The following NBEA variants were observed in gnomAD, a reference collection of about 807,000 sequenced individuals.
The protein encoded by NBEA is neurobeachin, also known as lysosomal-trafficking regulator 2.
Under a neutral mutation model 343.4 loss-of-function variants are expected in NBEA, and 44 were observed. The observed-to-expected ratio is 0.13, with a 90% CI of 0.10 to 0.16. The LOEUF is 0.16. NBEA is among the 10% of genes least tolerant of loss of function. The pLI is 1.00. For missense variants in NBEA, 2,555 were observed against 3,631.3 expected (o/e 0.70, Z 7.62); for synonymous variants, 1,175 against 1,238.7 (o/e 0.95, Z 1.08).
chr13:35,454,838 C>A (rs375078463), intron 40 of NBEA, among the ~76,000 whole-genome samples: 1 of 151,078 alleles, frequency 6.6e-6, no homozygotes, highest in Non-Finnish European at 1.5e-5. Flanking sequence ...CCAGCCTGGG[C>A]GACAGAATGA....
chr13:35,602,274 G>A (rs1360770324), intron 47 of NBEA, among the ~76,000 whole-genome samples: 1 of 152,066 alleles, frequency 6.6e-6, no homozygotes, highest in African/African-American at 2.4e-5. Context: ...AATGTCTTGT[G>A]TTTACATACA....
chr13:35,605,909 A>G (rs2082263120), intron 47 of NBEA, among the ~76,000 whole-genome samples: 2 of 151,262 alleles, frequency 1.3e-5, no homozygotes, highest in African/African-American at 4.8e-5. Context: ...AAAATAATTT[A>G]CTTTATCAAG....
intron 48 of NBEA, among the ~76,000 whole-genome samples, chr13:35,608,426 C>T (rs2082371696): frequency 6.6e-6 from 1 of 152,122 alleles, no homozygotes; most frequent in Non-Finnish European, 1.5e-5. Flanking sequence ...CCACATTATT[C>T]TCACATACTT....
intron 24 of NBEA, among the ~76,000 whole-genome samples, chr13:35,167,916 T>TA (rs2070164855): frequency 6.6e-6 from 1 of 151,844 alleles, no homozygotes; most frequent in South Asian, 2.1e-4. Context: ...TTATGGAGCT[T>TA]AATTCAGGGC....
At chr13:35,123,101 G>A (rs527268995) in intron 16 of NBEA, among the ~76,000 whole-genome samples, 4 of 152,006 alleles carry the variant, frequency 2.6e-5, no homozygotes, top group Non-Finnish European at 5.9e-5. Context: ...AGACTAGCCT[G>A]GTCAATTTGG....
At chr13:35,246,526 CT>C (rs1326579199) in intron 34 of NBEA, among the ~76,000 whole-genome samples, 1 of 152,158 alleles carries the variant, frequency 6.6e-6, no homozygotes, top group Non-Finnish European at 1.5e-5. Context: ...TGGCTTCCTG[CT>C]AGCCAAACTG....
intron 41 of NBEA, among the ~76,000 whole-genome samples, chr13:35,483,961 C>A (rs1311210988): frequency 6.6e-6 from 1 of 152,006 alleles, no homozygotes; most frequent in Non-Finnish European, 1.5e-5. Flanking sequence ...AAGGAAACAA[C>A]CACTAAATAT....
chr13:34,963,288 G>A (rs2059716048), intron 1 of NBEA, among the ~76,000 whole-genome samples: 1 of 151,882 alleles, frequency 6.6e-6, no homozygotes, highest in Non-Finnish European at 1.5e-5. Flanking sequence ...TTTTCCCTTT[G>A]TCTTCATATG....
At chr13:35,488,925 G>A (rs1014434747) in intron 41 of NBEA, among the ~76,000 whole-genome samples, 3 of 151,830 alleles carry the variant, frequency 2.0e-5, no homozygotes, top group African/African-American at 4.8e-5. Flanking sequence ...AGAAGCAGTA[G>A]TAAAATACAA....
intron 46 of NBEA, chr13:35,593,099 G>T: frequency 2.5e-6 from 1 of 402,308 alleles, no homozygotes; most frequent in South Asian, 5.8e-5. Flanking sequence ...TTTCACAGAT[G>T]AGAAGACCAG....
intron 36 of NBEA, among the ~76,000 whole-genome samples, chr13:35,315,933 C>T (rs1322834118): frequency 6.6e-6 from 1 of 151,606 alleles, no homozygotes; most frequent in Non-Finnish European, 1.5e-5. Context: ...ATAAAACAAA[C>T]CAAAAAAAAC....
At chr13:35,645,979 G>T (rs2084210135) in intron 50 of NBEA, 48 bp downstream of exon 50, 1 of 1,199,502 alleles carries the variant, frequency 8.3e-7, no homozygotes, top group Non-Finnish European at 1.2e-6. Flanking sequence ...GTCTTTAGCT[G>T]CATGCATGTA....
chr13:35,630,394 A>C (rs1005137833), intron 49 of NBEA, among the ~76,000 whole-genome samples: 6 of 152,182 alleles, frequency 3.9e-5, no homozygotes, highest in African/African-American at 1.4e-4. Flanking sequence ...AAATGTAAAA[A>C]TTAAAAATTA....
At chr13:35,001,599 C>T (rs2061142079) in intron 1 of NBEA, among the ~76,000 whole-genome samples, 1 of 151,976 alleles carries the variant, frequency 6.6e-6, no homozygotes, top group Admixed American at 6.6e-5. Context: ...TGTTCTCACT[C>T]ATATGTGGAA....
chr13:35,090,797 A>G lies in NBEA; in HGVS notation c.1572-7500A>G, dbSNP rs1195198250. On this transcript the variant is annotated intron_variant, in intron 10 of 58. Coordinates refer to ENST00000379939, the MANE Select transcript of NBEA (RefSeq NM_001385012.1). ...CCTGTTTCTCCTACTCAATGCAAGA[A>G]AAACACCCTACATGGACAGAATTCA... Among the ~76,000 whole-genome samples, 11 of 152,058 alleles carry G rather than the reference A, an allele frequency of 7.2e-5. No individual in the cohort carries two copies. In the East Asian group the frequency reaches 2.1e-3, roughly 29 times the overall value.
At chr13:35,316,403 C>T (rs1333756684) in intron 36 of NBEA, among the ~76,000 whole-genome samples, 1 of 152,132 alleles carries the variant, frequency 6.6e-6, no homozygotes, top group Non-Finnish European at 1.5e-5. Flanking sequence ...TGATGGTTCC[C>T]AGCTTCATCC....
At chr13:35,198,574 G>T (rs996714163) in intron 31 of NBEA, among the ~76,000 whole-genome samples, 5 of 152,038 alleles carry the variant, frequency 3.3e-5, no homozygotes, top group Non-Finnish European at 7.4e-5. Context: ...AGCTTTTTAT[G>T]TTCCTATAGC....
intron 38 of NBEA, among the ~76,000 whole-genome samples, chr13:35,404,116 A>C (rs1342112756): frequency 1.3e-5 from 2 of 152,164 alleles, no homozygotes; most frequent in African/African-American, 2.4e-5. Context: ...GGTGCTGGAG[A>C]GGATGTGGAG....
At chr13:35,235,560 G>C (rs1370558717) in intron 34 of NBEA, among the ~76,000 whole-genome samples, 1 of 152,080 alleles carries the variant, frequency 6.6e-6, no homozygotes, top group Non-Finnish European at 1.5e-5. Context: ...TTTTCTAGCC[G>C]CCAGAGCAAA....
Sources: gnomAD v4.1 joint callset for allele counts (sites outside exome capture counted in the v4.1 genomes callset) on GRCh38, gnomAD v4.1.1 for gene constraint, MANE v1.5 for transcripts, NCBI Gene and HGNC (gene_info 2026-07-23, HGNC 2026-07-21) for gene names.